PDE4D: variants seen among roughly 807,000 people sequenced by gnomAD.
PDE4D encodes phosphodiesterase 4D.
In PDE4D, 24 loss-of-function variants were observed where a neutral mutation model predicts 87.4. That is an observed-to-expected ratio of 0.27 (90% confidence interval 0.20 to 0.39). The LOEUF is 0.39. Ranked by LOEUF, PDE4D falls within the 10% of genes least tolerant of loss-of-function variation. The pLI, the probability that PDE4D is intolerant of heterozygous loss-of-function variation, is 1.00. For missense variants in PDE4D, 714 were observed against 1,041.0 expected, an observed-to-expected ratio of 0.69 and a Z score of 4.32; for synonymous variants, 384 against 383.2, an observed-to-expected ratio of 1.00 and a Z score of -0.02.
At chr5:60,244,323 T>A (rs1437424880) in intron 1 of PDE4D, among the ~76,000 whole-genome samples, 1 of 151,932 alleles carries the variant, frequency 6.6e-6, no homozygotes, top group Non-Finnish European at 1.5e-5. Context: ...TGGAACGATA[T>A]CCCATGTTCA....
intron 1 of PDE4D, among the ~76,000 whole-genome samples, chr5:59,293,115 T>A (rs192045699): frequency 3.9e-5 from 6 of 152,286 alleles, no homozygotes. Context: ...AGAATACAAT[T>A]CTCCTTAATG....
chr5:60,481,243 TTGACAGGCTTA>T (rs1438352094), intron 1 of PDE4D, among the ~76,000 whole-genome samples: 1 of 152,168 alleles, frequency 6.6e-6, no homozygotes, highest in East Asian at 1.9e-4. Context: ...TAAAATTGGT[TTGACAGGCTTA>T]TGACTTTTAT....
At chr5:59,157,161 ATT>A in intron 5 of PDE4D, 1 of 574,874 alleles carries the variant, frequency 1.7e-6, no homozygotes, top group Non-Finnish European at 3.1e-6. Context: ...TTGCTTCACA[ATT>A]TTTTTTTCTT....
intron 2 of PDE4D, among the ~76,000 whole-genome samples, chr5:60,153,908 T>C (rs1781736175): frequency 6.6e-6 from 1 of 152,228 alleles, no homozygotes; most frequent in Non-Finnish European, 1.5e-5. Context: ...TTCAGTTATG[T>C]AAGACGAATA....
chr5:59,327,400 C>T, intron 1 of PDE4D, among the ~76,000 whole-genome samples: 1 of 151,984 alleles, frequency 6.6e-6, no homozygotes, highest in Admixed American at 6.6e-5. Context: ...TAATTAGCAA[C>T]AGAGCCCAGG....
intron 1 of PDE4D, among the ~76,000 whole-genome samples, chr5:60,233,905 C>A (rs563258932): frequency 2.0e-3 from 310 of 151,892 alleles, no homozygotes; most frequent in African/African-American, 7.3e-3. Context: ...TTAACCACTC[C>A]CCTGCATAAC....
intron 1 of PDE4D, among the ~76,000 whole-genome samples, chr5:59,301,270 A>G (rs932410991): frequency 2.4e-4 from 37 of 152,140 alleles, no homozygotes; most frequent in Non-Finnish European, 4.4e-5. Flanking sequence ...CACACCCAAC[A>G]TTATAACAAA....
Position 59,721,385 on chromosome 5 carries a change from G to A in PDE4D, c.455+171783C>T, listed in dbSNP as rs79994211. On this transcript the variant is annotated intron_variant, in intron 1 of 14. Transcript: ENST00000340635. ...AATTGGTTCTATGAATTCTCAGTAC[G>A]TAGCCCTAGTTTTTAGGCATGTTAA... Among the ~76,000 whole-genome samples, 1,269 of 152,226 alleles carry A rather than the reference G, an allele frequency of 8.3e-3. 20 individuals are homozygous for A. The highest frequency in any genetic ancestry group is 9.6e-3 in the Non-Finnish European group (655 of 67,998).
At chr5:59,895,273 C>T (rs537287941), upstream of PDE4D, among the ~76,000 whole-genome samples, 4 of 152,294 alleles carry the variant, frequency 2.6e-5, no homozygotes, top group South Asian at 2.1e-4. Context: ...GAACAGTCCA[C>T]GAAATGTGCA....
chr5:59,511,308 G>C (rs954292452), intron 1 of PDE4D, among the ~76,000 whole-genome samples: 1 of 151,770 alleles, frequency 6.6e-6, no homozygotes, highest in African/African-American at 2.4e-5. Flanking sequence ...TGTGTCAGAA[G>C]AAAGAGCAAT....
chr5:59,300,231 T>A (rs1024133279), intron 1 of PDE4D, among the ~76,000 whole-genome samples: 1 of 151,246 alleles, frequency 6.6e-6, no homozygotes, highest in African/African-American at 2.4e-5. Flanking sequence ...TATGGATAGA[T>A]CAGATGTTGG....
intron 5 of PDE4D, among the ~76,000 whole-genome samples, chr5:59,113,648 C>T (rs147299350): frequency 3.3e-5 from 5 of 152,210 alleles, no homozygotes; most frequent in Non-Finnish European, 7.4e-5. Flanking sequence ...AGAAAGGATG[C>T]CCTAGGGTAC....
At chr5:60,492,449 T>A (rs1329767003), upstream of PDE4D, among the ~76,000 whole-genome samples, 1 of 152,054 alleles carries the variant, frequency 6.6e-6, no homozygotes, top group Non-Finnish European at 1.5e-5. Context: ...AAGAAAAAAT[T>A]GAAAAAACAT....
intron 2 of PDE4D, among the ~76,000 whole-genome samples, chr5:59,205,796 T>C (rs9292197): frequency 0.31 from 46,649 of 151,796 alleles, 7,324 homozygotes; most frequent in South Asian, 0.35. Context: ...AACATGGAAA[T>C]ATGAGATCTG....
intron 1 of PDE4D, among the ~76,000 whole-genome samples, chr5:60,511,495 G>A (rs553982280): frequency 2.8e-4 from 41 of 147,878 alleles, no homozygotes; most frequent in Middle Eastern, 3.5e-3. Flanking sequence ...AACAAACTTA[G>A]GCAATAACAT....
intron 1 of PDE4D, among the ~76,000 whole-genome samples, chr5:59,714,607 TG>T (rs1754720010): frequency 6.6e-6 from 1 of 152,238 alleles, no homozygotes; most frequent in African/African-American, 2.4e-5. Context: ...TGATGGAATT[TG>T]GACAGTGCCA....
chr5:60,160,915 A>G (rs888700571), intron 2 of PDE4D: 4 of 390,010 alleles, frequency 1.0e-5, no homozygotes, highest in Admixed American at 6.5e-5. Context: ...CTAGGAAAAC[A>G]TCTTAAATTT....
At chr5:59,052,534 T>C (rs1186490826) in intron 5 of PDE4D, among the ~76,000 whole-genome samples, 2 of 152,142 alleles carry the variant, frequency 1.3e-5, no homozygotes, top group African/African-American at 2.4e-5. Context: ...TAAGGAGCTA[T>C]TGTGGTAGTC....
chr5:58,975,886 T>TA lies in PDE4D; in HGVS notation c.1831-48dup, dbSNP rs112200987. ...TCTATTCACTCCTGTTCCTTTTTTT[T>TA]AAAAAAAAAAACAAAAAAAACTAGA... On this transcript the variant is annotated intron_variant, in intron 13 of 14. Transcript: ENST00000340635. The surrounding 1 kb of genome is among the most constrained non-coding windows in gnomAD (Gnocchi z 4.2). The TA allele has an allele frequency of 0.47, 492,621 of 1,058,202 alleles. 72,940 individuals carry two copies. Among genetic ancestry groups the TA allele is most frequent in the Admixed American group, 0.54 (16,803 of 31,336 alleles). 65.6% of individuals were successfully genotyped at this position (1,058,202 alleles called of 1,614,324 possible).
Sources: allele counts gnomAD v4.1 joint callset (sites outside exome capture counted in the v4.1 genomes callset), GRCh38; gene constraint gnomAD v4.1.1; non-coding constraint Gnocchi (gnomAD v3.1); transcripts MANE v1.5; gene names NCBI Gene and HGNC (gene_info 2026-07-23, HGNC 2026-07-21).